The following MAP4K1 variants were observed in gnomAD, a reference collection of about 807,000 sequenced individuals.
The protein encoded by MAP4K1 is mitogen-activated protein kinase kinase kinase kinase 1, also known as MAPK/ERK kinase kinase kinase 1.
A neutral mutation model predicts 122.8 loss-of-function variants in MAP4K1; 35 were observed. That is an observed-to-expected ratio of 0.29 (90% CI 0.22 to 0.38). MAP4K1 has a LOEUF of 0.38. MAP4K1 is among the 10% of genes least tolerant of loss of function. MAP4K1 has a pLI of 1.00. For missense variants in MAP4K1, 791 were observed against 1,072.6 expected (o/e 0.74, Z 3.67); for synonymous variants, 412 against 421.3 (o/e 0.98, Z 0.27).
In MAP4K1 at chr19:38,609,969, G is replaced by A; in HGVS notation, c.867C>T (p.Asp289=). ...LNRGLILDLL[D]KLKNPGKGPS... is the part of the protein sequence containing the mutation. ...GTCCTTTCCCGGGATTCTTCAGTTT[G>A]TCAAGAAGATCCAGGATCAGGCCTC... Residue 289 remains aspartate, a synonymous_variant, in exon 12 of 31, where the codon GAC becomes GAT. Coordinates refer to ENST00000396857, the MANE Select transcript of MAP4K1 (RefSeq NM_001042600.3). 5 of 1,614,196 alleles carry A rather than the reference G, an allele frequency of 3.1e-6. No individual in the cohort carries two copies. In the South Asian group the frequency reaches 5.5e-5, roughly 18 times the overall value.
At position 38,611,279 on chromosome 19, in the gene MAP4K1, C is replaced by T; in HGVS notation, c.692G>A (p.Gly231Asp). 5 of 1,613,596 alleles carry T rather than the reference C, an allele frequency of 3.1e-6. No individual in the cohort carries two copies. Among genetic ancestry groups the T allele is most frequent in the Non-Finnish European group, 3.4e-6 (4 of 1,179,580 alleles). Residue 231 changes from glycine (G) to aspartate (D), a missense_variant, in exon 10 of 31, where the codon GGC becomes GAC. Transcript: ENST00000396857. ...LRVLFLMTKS[G>D]YQPPRLKEKG... Reference sequence around the variant, plus strand: ...TTCCTTCAGTCGGGGAGGCTGGTAGCCACTCTTGGTCATGAGGAAGAGAAC... The same window carrying T: ...TTCCTTCAGTCGGGGAGGCTGGTAGTCACTCTTGGTCATGAGGAAGAGAAC...
At chr19:38,601,781 G>A in intron 19 of MAP4K1, 1 of 448,370 alleles carries the variant, frequency 2.2e-6, no homozygotes, top group Non-Finnish European at 4.0e-6. Context: ...TAAATCATCA[G>A]CATTTGTTTT....
chr19:38,610,154 G>A, intron 11 of MAP4K1, 129 bp from the exon 12 acceptor site: 1 of 649,612 alleles, frequency 1.5e-6, no homozygotes, highest in East Asian at 2.8e-5. Flanking sequence ...GAAGGTGCCA[G>A]TGAAGGCAGA....
At chr19:38,596,131 C>T in intron 26 of MAP4K1, 130 bp from the exon 27 acceptor site, 4 of 1,289,196 alleles carry the variant, frequency 3.1e-6, no homozygotes, top group South Asian at 2.5e-5. Flanking sequence ...ACCCCGCCCA[C>T]CATCCCGGTC....
At chr19:38,611,424 G>T in intron 9 of MAP4K1, 119 bp from the exon 10 acceptor site, 1 of 721,750 alleles carries the variant, frequency 1.4e-6, no homozygotes. Context: ...CAGCATGGAA[G>T]TGAGGTTCAG....
chr19:38,598,192 G>A (rs77215936), intron 22 of MAP4K1, among the ~76,000 whole-genome samples: 9,999 of 151,664 alleles, frequency 0.066, 382 homozygotes, highest in South Asian at 0.14. Context: ...CACCATGCCT[G>A]GATAATTTTT....
At chr19:38,589,280 G>C (rs1974629894) in intron 30 of MAP4K1, 1 of 259,904 alleles carries the variant, frequency 3.8e-6, no homozygotes, top group Admixed American at 5.2e-5. Context: ...TCCAGCCTGG[G>C]GGACAGAGTG....
In MAP4K1 at chr19:38,597,678, C is replaced by G; in HGVS notation, c.1670-84G>C. 1.1e-6 allele frequency: 1 copy of G among 882,246 alleles called. No individual in the cohort carries two copies. The highest frequency in any genetic ancestry group is 1.7e-6 in the Non-Finnish European group (1 of 582,026). The allele number at this position is 882,246 out of a possible 1,614,324, so 54.7% of individuals were successfully genotyped here. A position where few individuals can be genotyped will look rare whatever the true frequency, so the allele number is the denominator to read the frequency against. The stretch of plus-strand genomic sequence containing the variant: ...CCTTTCCTCCATCCCTTCCCTCAGC[C>G]CCATCCCTTTGTCTGAAACTCCCAA... On this transcript the variant is annotated intron_variant, in intron 22 of 30. Coordinates refer to ENST00000396857, the MANE Select transcript of MAP4K1 (RefSeq NM_001042600.3). The surrounding 1 kb of genome is among the most constrained non-coding windows in gnomAD (Gnocchi z 4.6).
At chr19:38,604,498 A>T (rs987542298) in intron 19 of MAP4K1, among the ~76,000 whole-genome samples, 9 of 152,190 alleles carry the variant, frequency 5.9e-5, no homozygotes, top group Non-Finnish European at 1.3e-4. Context: ...CTAATTTTTT[A>T]AATTTTTAGT....
intron 30 of MAP4K1, among the ~76,000 whole-genome samples, chr19:38,589,727 C>A (rs978073853): frequency 6.6e-6 from 1 of 152,076 alleles, no homozygotes; most frequent in Non-Finnish European, 1.5e-5. Flanking sequence ...TGGGATACTT[C>A]TTATTACAAA....
chr19:38,587,729 C>G lies in MAP4K1; in HGVS notation c.*19G>C. On this transcript the variant is annotated 3_prime_UTR_variant, in exon 31 of 31. Coordinates refer to ENST00000396857, the MANE Select transcript of MAP4K1 (RefSeq NM_001042600.3). ...GGGGAGGGGGTGCAAGGACTAGTTC[C>G]TGACACCCCCCTAGGGACTCATTCC... 1 of 1,606,948 alleles carries G rather than the reference C, an allele frequency of 6.2e-7. No homozygotes were observed. The highest frequency in any genetic ancestry group is 8.5e-7 in the Non-Finnish European group (1 of 1,173,664).
intron 19 of MAP4K1, among the ~76,000 whole-genome samples, chr19:38,604,107 C>T (rs970986383): frequency 7.9e-6 from 1 of 126,308 alleles, no homozygotes; most frequent in Non-Finnish European, 1.6e-5. Flanking sequence ...GCAGCCTGGG[C>T]GACAGAGCGA....
chr19:38,613,246 G>A (rs1372763177), intron 8 of MAP4K1, among the ~76,000 whole-genome samples: 2 of 150,638 alleles, frequency 1.3e-5, no homozygotes, highest in Non-Finnish European at 2.9e-5. Flanking sequence ...GGTGAAGGTT[G>A]CAGTGAGCTG....
In MAP4K1 at chr19:38,597,250, C is replaced by A; in HGVS notation, c.1837+76G>T. The A allele has an allele frequency of 6.2e-7, 1 of 1,601,688 alleles. No individual in the cohort carries two copies. On this transcript the variant is annotated intron_variant, in intron 24 of 30. Transcript: ENST00000396857. This position sits in a 1 kb window ranked among gnomAD's most constrained non-coding sequence, Gnocchi z 4.6. Reference sequence around the variant, plus strand: ...CATTGCCTTAACTCTGTAACCTTCTCAGGTGGATGCAGTTCAAGCCCCTCC... The same window carrying A: ...CATTGCCTTAACTCTGTAACCTTCTAAGGTGGATGCAGTTCAAGCCCCTCC...
At position 38,611,255 on chromosome 19, in the gene MAP4K1, T is replaced by C; in HGVS notation, c.716A>G (p.Glu239Gly). ...KSGYQPPRLKEKGKWSAAFHN... is the reference protein window; with the variant it reads ...KSGYQPPRLKGKGKWSAAFHN... ...TACTCTCTCGTACCATTTGCCTTTT[T>C]CCTTCAGTCGGGGAGGCTGGTAGCC... The change falls in exon 10 of 31, where the codon GAA (glutamate) becomes GGA (glycine). Residue 239 changes from glutamate (E) to glycine (G), a missense_variant. This residue lies in a region of MAP4K1 where 303 missense variants were observed against 344.8 expected (regional missense o/e 0.88). Coordinates refer to ENST00000396857, the MANE Select transcript of MAP4K1 (RefSeq NM_001042600.3). 1 of 1,613,700 alleles carries C rather than the reference T, an allele frequency of 6.2e-7. No individual in the cohort carries two copies.
At chr19:38,601,945 T>C (rs1288208736) in intron 19 of MAP4K1, among the ~76,000 whole-genome samples, 2 of 152,038 alleles carry the variant, frequency 1.3e-5, no homozygotes, top group African/African-American at 4.8e-5. Context: ...ACCCAGCTAA[T>C]TTTTGTATTT....
chr19:38,600,239 C>T, intron 20 of MAP4K1, 86 bp from the exon 21 acceptor site: 1 of 1,051,752 alleles, frequency 9.5e-7, no homozygotes. Context: ...AACACTGACA[C>T]TCTGTCCCCA....
chr19:38,602,347 T>A (rs1000524902), intron 19 of MAP4K1, among the ~76,000 whole-genome samples: 31 of 151,828 alleles, frequency 2.0e-4, no homozygotes, highest in African/African-American at 7.0e-4. Context: ...AGTGCTGGGA[T>A]TACAGGCATG....
chr19:38,613,682 G>A (rs1222702765), intron 8 of MAP4K1, among the ~76,000 whole-genome samples, 198 bp downstream of exon 8: 2 of 151,936 alleles, frequency 1.3e-5, no homozygotes, highest in Admixed American at 1.3e-4. Flanking sequence ...CACAAACACC[G>A]AGAGCAATGG....
Sources: gnomAD v4.1 joint callset for allele counts (sites outside exome capture counted in the v4.1 genomes callset) on GRCh38, gnomAD v4.1.1 for gene constraint, gnomAD v4.1.1 regional missense constraint, Gnocchi (gnomAD v3.1) non-coding constraint, MANE v1.5 for transcripts, NCBI Gene and HGNC (gene_info 2026-07-23, HGNC 2026-07-21) for gene names.